The following KANK4 variants were observed in gnomAD, a reference collection of about 807,000 sequenced individuals.
The protein encoded by KANK4 is KN motif and ankyrin repeat domains 4.
Under a neutral mutation model 80.8 loss-of-function variants are expected in KANK4, and 50 were observed. The observed-to-expected ratio is 0.62, with a 90% CI of 0.49 to 0.78. The LOEUF (loss-of-function observed/expected upper bound fraction) is 0.78. KANK4 is among the 30% of genes least tolerant of loss of function. KANK4 has a pLI of 0.00. For synonymous variants in KANK4, 465 were observed against 506.9 expected, an observed-to-expected ratio of 0.92 and a Z score of 1.11; for missense variants, 1,196 against 1,240.1, an observed-to-expected ratio of 0.96 and a Z score of 0.53.
chr1:62,278,320 T>TCTTTCTTTCTTCCTTCCTTC (rs1420040026), intron 2 of KANK4, among the ~76,000 whole-genome samples: 4 of 60,504 alleles, frequency 6.6e-5, no homozygotes, highest in African/African-American at 1.7e-4. Context: ...ACATTTTCTT[T>TCTTTCTTTCTTCCTTCCTTC]CTTCCTTCCT....
intron 1 of KANK4, among the ~76,000 whole-genome samples, chr1:62,286,974 C>G (rs1428612558): frequency 6.6e-6 from 1 of 152,140 alleles, no homozygotes; most frequent in Non-Finnish European, 1.5e-5. Context: ...GCTGTGACGA[C>G]CAAATTACTG....
intron 8 of KANK4, among the ~76,000 whole-genome samples, chr1:62,247,935 C>T (rs1671510800): frequency 6.6e-6 from 1 of 152,100 alleles, no homozygotes; most frequent in Non-Finnish European, 1.5e-5. Flanking sequence ...AGTATTGCAA[C>T]TTGTCAACTT....
At chr1:62,289,797 A>T (rs143996951) in intron 1 of KANK4, among the ~76,000 whole-genome samples, 88 of 152,314 alleles carry the variant, frequency 5.8e-4, no homozygotes, top group Non-Finnish European at 8.2e-4. Flanking sequence ...AATTTTCATG[A>T]TCACCTATTT....
At chr1:62,241,295 G>C (rs898469919) in intron 9 of KANK4, among the ~76,000 whole-genome samples, 2 of 152,130 alleles carry the variant, frequency 1.3e-5, no homozygotes, top group African/African-American at 4.8e-5. Context: ...GCTCAGGGGA[G>C]AGGATGGGCA....
intron 5 of KANK4, 95 bp downstream of exon 5, chr1:62,268,192 T>C: frequency 1.0e-6 from 1 of 957,520 alleles, no homozygotes; most frequent in South Asian, 1.4e-5. Context: ...AATGGATGGG[T>C]ACATGAATGA....
At chr1:62,303,726 CT>C (rs1295457343) in intron 1 of KANK4, among the ~76,000 whole-genome samples, 1 of 151,836 alleles carries the variant, frequency 6.6e-6, no homozygotes. Context: ...TAAAATTTCT[CT>C]TTTTTTGGTA....
intron 9 of KANK4, among the ~76,000 whole-genome samples, chr1:62,246,784 A>G (rs1447411353): frequency 2.0e-5 from 3 of 149,558 alleles, no homozygotes; most frequent in South Asian, 2.1e-4. Context: ...TTTTTGAGAC[A>G]GAGTTTCATG....
At chr1:62,245,616 C>G (rs1200904970) in intron 9 of KANK4, among the ~76,000 whole-genome samples, 1 of 152,208 alleles carries the variant, frequency 6.6e-6, no homozygotes, top group Middle Eastern at 3.2e-3. Flanking sequence ...GCTTGAATCT[C>G]TGCTCTGCGA....
chr1:62,278,764 G>T (rs1672382442), intron 2 of KANK4, among the ~76,000 whole-genome samples: 1 of 151,886 alleles, frequency 6.6e-6, no homozygotes, highest in African/African-American at 2.4e-5. Flanking sequence ...AAACACACTG[G>T]CAATTTTAGT....
At position 62,288,968 on chromosome 1, in the gene KANK4, C is replaced by T. The variant is rs2765259; in HGVS notation, c.-70-7334G>A. On this transcript the variant is annotated intron_variant, in intron 1 of 9. Transcript: ENST00000371153. Reference sequence around the variant, plus strand: ...TAATAAAAAAGATGTCAGATAAATCCTGACATGCCATACCCTACAATGAGC... The same window carrying T: ...TAATAAAAAAGATGTCAGATAAATCTTGACATGCCATACCCTACAATGAGC... Among the ~76,000 whole-genome samples the T allele has an allele frequency of 9.6e-3, 1,460 of 152,264 alleles. 20 individuals carry two copies. The highest frequency in any genetic ancestry group is 0.033 in the African/African-American group (1,369 of 41,532).
Position 62,247,664 on chromosome 1 carries a change from C to T in KANK4, c.2691G>A (p.Gln897=). ...GGCTGACTCCCAGCATCAGCGCAGT[C>T]TGGCCTCCCTGCATGCAGAGCCACA... The part of the protein sequence containing the change: ...NVNIQATQGG[Q]TALMLGVSHD... The change falls in exon 9 of 10, where the codon CAG becomes CAA. Residue 897 remains glutamine, a synonymous_variant. Coordinates refer to ENST00000371153, the MANE Select transcript of KANK4 (RefSeq NM_181712.5). 1 of 1,613,484 alleles carries T rather than the reference C, an allele frequency of 6.2e-7. No individual in the cohort carries two copies. The highest frequency in any genetic ancestry group is 8.5e-7 in the Non-Finnish European group (1 of 1,180,044).
intron 2 of KANK4, among the ~76,000 whole-genome samples, chr1:62,279,198 G>GCGCACA (rs1282615199): frequency 5.9e-4 from 86 of 146,278 alleles, no homozygotes; most frequent in East Asian, 1.9e-3. Context: ...GCTAGCGCGC[G>GCGCACA]CACACACACA....
chr1:62,272,283 A>G (rs994843030), intron 3 of KANK4: 1 of 152,508 alleles, frequency 6.6e-6, no homozygotes, highest in African/African-American at 2.4e-5. Flanking sequence ...GCCCATTTCC[A>G]TATGTGAGCA....
At chr1:62,312,953 C>A (rs371686058) in intron 1 of KANK4, among the ~76,000 whole-genome samples, 1 of 147,396 alleles carries the variant, frequency 6.8e-6, no homozygotes, top group African/African-American at 2.5e-5. Context: ...CAGACCTGTG[C>A]TTAGACATCA....
intron 7 of KANK4, among the ~76,000 whole-genome samples, 200 bp from the exon 8 acceptor site, chr1:62,253,409 C>CTTTTTTTTTTT (rs34488630): frequency 3.3e-4 from 37 of 110,964 alleles, no homozygotes; most frequent in South Asian, 6.5e-4. Context: ...TTCTTTCTTT[C>CTTTTTTTTTTT]TTTTTTTTTT....
At chr1:62,247,394 C>T in intron 9 of KANK4, 78 bp downstream of exon 9, 1 of 1,308,438 alleles carries the variant, frequency 7.6e-7, no homozygotes, top group Non-Finnish European at 1.1e-6. Context: ...CCCGCCTCAG[C>T]CTCCCAAAGT....
At chr1:62,251,865 G>A (rs1026512158) in intron 8 of KANK4, among the ~76,000 whole-genome samples, 1 of 152,124 alleles carries the variant, frequency 6.6e-6, no homozygotes, top group African/African-American at 2.4e-5. Flanking sequence ...GATGGCGGGT[G>A]CCTGTAGTCC....
At chr1:62,275,790 T>C (rs773622531) in intron 2 of KANK4, among the ~76,000 whole-genome samples, 1 of 135,228 alleles carries the variant, frequency 7.4e-6, no homozygotes, top group Non-Finnish European at 1.5e-5. Context: ...AGTAAGGAAA[T>C]ACCTACTTTG....
chr1:62,277,946 A>C (rs1190610374), intron 2 of KANK4, among the ~76,000 whole-genome samples: 2 of 152,248 alleles, frequency 1.3e-5, no homozygotes, highest in Non-Finnish European at 2.9e-5. Context: ...TGGAGGGTGA[A>C]ATCACACAGT....
Sources: allele counts gnomAD v4.1 joint callset (sites outside exome capture counted in the v4.1 genomes callset), GRCh38; gene constraint gnomAD v4.1.1; transcripts MANE v1.5; gene names NCBI Gene and HGNC (gene_info 2026-07-23, HGNC 2026-07-21).